Variants in MEI1 observed in about 807,000 individuals in gnomAD.
MEI1 encodes the protein meiotic double-stranded break formation protein 1.
Under a neutral mutation model 146.2 loss-of-function variants are expected in MEI1, and 103 were observed. The ratio of observed to expected loss-of-function variants is 0.70; its 90% CI spans 0.60 to 0.83. MEI1 has a LOEUF of 0.83. Among genes scored for constraint, MEI1 ranks in the 40% least tolerant of loss-of-function variants. The pLI, the probability that MEI1 is intolerant of heterozygous loss-of-function variation, is 0.00. For missense variants in MEI1, 1,529 were observed against 1,533.0 expected (o/e 1.00, Z 0.04); for synonymous variants, 652 against 628.2 (o/e 1.04, Z -0.57).
Position 41,793,906 on chromosome 22 carries a change from C to A in MEI1, c.3423C>A (p.Asp1141Glu). The change falls in exon 27 of 31, where the codon GAC (aspartate) becomes GAA (glutamate). Residue 1141 changes from aspartate to glutamate, a missense_variant. Transcript: ENST00000401548. ...ACTACCTGGATGCCCGGAGCCCAGACATTGGTAGAAACTCTCCACATTATC... is the reference window on the plus strand; with the variant it reads ...ACTACCTGGATGCCCGGAGCCCAGAAATTGGTAGAAACTCTCCACATTATC... ...LLDYLDARSP[D>E]IALHVASQPW... 6.2e-7 allele frequency: 1 copy of A among 1,611,340 alleles called. No individual in the cohort carries two copies. The highest frequency in any genetic ancestry group is 2.2e-5 in the East Asian group (1 of 44,830).
At chr22:41,780,568 AT>A (rs1236225961) in intron 22 of MEI1, among the ~76,000 whole-genome samples, 2 of 142,636 alleles carry the variant, frequency 1.4e-5, no homozygotes, top group African/African-American at 5.5e-5. Flanking sequence ...TTTGAGCTGA[AT>A]TTTTTTCTTT....
rs545436381 is a variant in MEI1, at chr22:41,789,624, A to G, written c.3346-4205A>G. 2.7e-4 allele frequency among the ~76,000 whole-genome samples: 41 copies of G among 152,296 alleles called. 1 individual carries two copies. The highest frequency in any genetic ancestry group is 9.6e-4 in the African/African-American group (40 of 41,586). Reference sequence around the variant, plus strand: ...CTTCCCAAACTGAAACTCTGTACCCATTAAACAATTCCCCAGTCCCCTCCC... The same window carrying G: ...CTTCCCAAACTGAAACTCTGTACCCGTTAAACAATTCCCCAGTCCCCTCCC... On this transcript the variant is annotated intron_variant, in intron 26 of 30. Transcript: ENST00000401548.
intron 7 of MEI1, among the ~76,000 whole-genome samples, chr22:41,728,956 G>A (rs187342827): frequency 1.3e-5 from 2 of 151,996 alleles, no homozygotes; most frequent in East Asian, 3.9e-4. Context: ...ACGAGGTCAG[G>A]AGTTCGAGAC....
chr22:41,718,090 G>A lies in MEI1; in HGVS notation c.549G>A (p.Leu183=), dbSNP rs769383084. ...GGACAGGCAACCTGATGGAGCATCT[G>A]TTGAGAGGCTTAGTATACCCCAGTG... The part of the protein sequence containing the change: ...VMEHGNLMEH[L]LRGLVYPSEG... The change falls in exon 6 of 31, where the codon CTG becomes CTA. Residue 183 remains leucine, a synonymous_variant. Coordinates refer to ENST00000401548, the MANE Select transcript of MEI1 (RefSeq NM_152513.4). 5 of 1,608,810 alleles carry A rather than the reference G, an allele frequency of 3.1e-6. No individual in the cohort carries two copies. Among genetic ancestry groups the A allele is most frequent in the Non-Finnish European group, 4.2e-6 (5 of 1,176,926 alleles).
At chr22:41,769,840 A>G (rs1380135298) in intron 19 of MEI1, among the ~76,000 whole-genome samples, 1 of 151,862 alleles carries the variant, frequency 6.6e-6, no homozygotes, top group African/African-American at 2.4e-5. Context: ...AGGAGTAAGA[A>G]ATTATTCAAC....
At chr22:41,714,408 T>C (rs2069899473) in intron 4 of MEI1, among the ~76,000 whole-genome samples, 1 of 152,176 alleles carries the variant, frequency 6.6e-6, no homozygotes, top group Non-Finnish European at 1.5e-5. Context: ...GGAAATATGT[T>C]CTCTATGTCT....
intron 20 of MEI1, among the ~76,000 whole-genome samples, chr22:41,774,725 A>G (rs1011119648): frequency 3.4e-4 from 51 of 152,218 alleles, no homozygotes; most frequent in African/African-American, 1.2e-3. Context: ...GGTGACACCT[A>G]TATGGAAGAG....
chr22:41,783,662 A>C (rs991094000), intron 24 of MEI1, among the ~76,000 whole-genome samples: 1 of 152,132 alleles, frequency 6.6e-6, no homozygotes, highest in Non-Finnish European at 1.5e-5. Context: ...AAGGCCATAC[A>C]GCTGACAGGT....
chr22:41,796,116 CAAT>C (rs1424955062), intron 30 of MEI1, among the ~76,000 whole-genome samples: 2 of 152,168 alleles, frequency 1.3e-5, no homozygotes, highest in African/African-American at 4.8e-5. Context: ...TTGACAACAA[CAAT>C]GCCGTGTCCT....
intron 11 of MEI1, among the ~76,000 whole-genome samples, chr22:41,735,572 G>C (rs537317491): frequency 5.9e-5 from 9 of 152,088 alleles, no homozygotes; most frequent in Admixed American, 2.6e-4. Flanking sequence ...AAATATTTTT[G>C]GTCCACAGTT....
intron 4 of MEI1, among the ~76,000 whole-genome samples, 157 bp from the exon 5 acceptor site, chr22:41,715,884 A>T (rs1318922921): frequency 2.0e-5 from 3 of 152,118 alleles, no homozygotes; most frequent in Admixed American, 6.6e-5. Context: ...TTCCCAGTCC[A>T]GTGGGGGAGC....
At chr22:41,700,749 ATTTTTTTTTTTTT>A (rs78862314) in intron 1 of MEI1, among the ~76,000 whole-genome samples, 29 of 117,638 alleles carry the variant, frequency 2.5e-4, no homozygotes, top group Admixed American at 1.2e-3. Context: ...GCAGTTCTCA[ATTTTTTTTTTTTT>A]TTTTTTTTTT....
intron 19 of MEI1, among the ~76,000 whole-genome samples, chr22:41,763,577 C>T (rs73426994): frequency 0.012 from 1,892 of 151,900 alleles, 33 homozygotes; most frequent in African/African-American, 0.042. Flanking sequence ...AGGCTGGGCA[C>T]GGTGGCTCAC....
intron 6 of MEI1, among the ~76,000 whole-genome samples, chr22:41,723,579 A>C (rs2071058348): frequency 6.6e-6 from 1 of 152,080 alleles, no homozygotes; most frequent in African/African-American, 2.4e-5. Context: ...TTAGTCAAAA[A>C]ATATTTTTTG....
At chr22:41,778,981 T>C in intron 22 of MEI1, 169 bp downstream of exon 22, 1 of 565,576 alleles carries the variant, frequency 1.8e-6, no homozygotes, top group African/African-American at 1.9e-5. Context: ...CTCAGGGCTT[T>C]CTCTGCTTGT....
intron 4 of MEI1, among the ~76,000 whole-genome samples, chr22:41,715,392 C>G (rs1486494105): frequency 6.6e-6 from 1 of 151,312 alleles, no homozygotes; most frequent in Non-Finnish European, 1.5e-5. Context: ...ACTATGATAA[C>G]AATAATTTTT....
At chr22:41,703,238 TC>T in intron 1 of MEI1, 92 bp from the exon 2 acceptor site, 1 of 1,387,548 alleles carries the variant, frequency 7.2e-7, no homozygotes, top group Admixed American at 2.0e-5. Context: ...ATCCCTTGTA[TC>T]ATCTTGTAAT....
At chr22:41,752,528 T>C (rs1252552411) in intron 15 of MEI1, 63 bp from the exon 16 acceptor site, 3 of 1,444,098 alleles carry the variant, frequency 2.1e-6, no homozygotes, top group Non-Finnish European at 2.9e-6. Context: ...CCACCCAGGC[T>C]TGGGACTCTC....
intron 20 of MEI1, chr22:41,774,078 G>A (rs2075323104): frequency 6.6e-6 from 1 of 152,132 alleles, no homozygotes; most frequent in African/African-American, 2.4e-5. Flanking sequence ...ATCAATGGGT[G>A]GTCTTTCATG....
Sources: gnomAD v4.1 joint callset for allele counts (sites outside exome capture counted in the v4.1 genomes callset) on GRCh38, gnomAD v4.1.1 for gene constraint, MANE v1.5 for transcripts, NCBI Gene and HGNC (gene_info 2026-07-23, HGNC 2026-07-21) for gene names.